The following PAPPA variants were observed in gnomAD, a reference collection of about 807,000 sequenced individuals.
The protein encoded by PAPPA is pappalysin 1, also known as pappalysin-1.
Under a neutral mutation model 164.0 loss-of-function variants are expected in PAPPA, and 60 were observed. The ratio of observed to expected loss-of-function variants is 0.37; its 90% CI spans 0.30 to 0.45. The LOEUF (loss-of-function observed/expected upper bound fraction) is 0.45. Among genes scored for constraint, PAPPA ranks in the 20% least tolerant of loss-of-function variants. The pLI is 1.00. For missense variants in PAPPA, 1,782 were observed against 2,087.3 expected (o/e 0.85, Z 2.85); for synonymous variants, 875 against 814.1 (o/e 1.07, Z -1.27).
rs141611033 is a variant in PAPPA at position 116,314,291 on chromosome 9, G to A, written c.3147+11341G>A. On this transcript the variant is annotated intron_variant, in intron 10 of 21. Transcript: ENST00000328252. ...TCACCATGTTGGCCAGGATGGTCTCGATCTCCTGATCTCGTGATCCACCTG... is the reference window on the plus strand; with the variant it reads ...TCACCATGTTGGCCAGGATGGTCTCAATCTCCTGATCTCGTGATCCACCTG... 4.2e-3 allele frequency among the ~76,000 whole-genome samples: 632 copies of A among 151,662 alleles called. 1 individual carries two copies. The highest frequency in any genetic ancestry group is 0.014 in the African/African-American group (563 of 41,360).
chr9:116,225,915 T>C (rs925892758), intron 5 of PAPPA, among the ~76,000 whole-genome samples: 2 of 152,130 alleles, frequency 1.3e-5, no homozygotes, highest in African/African-American at 4.8e-5. Flanking sequence ...AGATAAGTTG[T>C]GTGCTGTGCT....
At chr9:116,196,314 A>G (rs1185650510) in intron 2 of PAPPA, among the ~76,000 whole-genome samples, 1 of 152,150 alleles carries the variant, frequency 6.6e-6, no homozygotes, top group Non-Finnish European at 1.5e-5. Context: ...TGCCCTTTCA[A>G]GGGCCTCAGC....
Position 116,396,500 on chromosome 9 carries a change from T to C in PAPPA, c.4777-9T>C, listed in dbSNP as rs760785232. On this transcript the variant is annotated splice_polypyrimidine_tract_variant and intron_variant, in intron 21 of 21. Coordinates refer to ENST00000328252, the MANE Select transcript of PAPPA (RefSeq NM_002581.5). ...ACCAAATCACCTGATTCACTTCTTCTTTCTGCAGGTCACCCCATTCCCTAT... is the reference window on the plus strand; with the variant it reads ...ACCAAATCACCTGATTCACTTCTTCCTTCTGCAGGTCACCCCATTCCCTAT... 7 of 780,454 alleles carry C rather than the reference T, an allele frequency of 9.0e-6. No individual in the cohort carries two copies. The highest frequency in any genetic ancestry group is 1.7e-5 in the Admixed American group (1 of 58,946). 48.3% of individuals were successfully genotyped at this position (780,454 alleles called of 1,614,324 possible).
chr9:116,382,329 C>A, intron 20 of PAPPA, 66 bp from the exon 21 acceptor site: 2 of 963,314 alleles, frequency 2.1e-6, no homozygotes, highest in East Asian at 2.4e-5. Flanking sequence ...GGACTGCAGA[C>A]GTCAGCTCCC....
rs958985485 is a variant in PAPPA, at chr9:116,301,572, T to C, written c.2954-1185T>C. Reference sequence around the variant, plus strand: ...TTCTGTGTTGAAATATCAAGAAACATGCATAGGTCACACCTACTTAGAAGG... The same window carrying C: ...TTCTGTGTTGAAATATCAAGAAACACGCATAGGTCACACCTACTTAGAAGG... On this transcript the variant is annotated intron_variant, in intron 9 of 21. Coordinates refer to ENST00000328252, the MANE Select transcript of PAPPA (RefSeq NM_002581.5). Among the ~76,000 whole-genome samples, 8 of 152,244 alleles carry C rather than the reference T, an allele frequency of 5.3e-5. No individual in the cohort carries two copies. In the South Asian group the frequency reaches 1.2e-3, roughly 24 times the overall value.
In PAPPA at chr9:116,327,350, C is replaced by T. The variant is rs373279780; in HGVS notation, c.3148-3894C>T. ...CTCTGCACGGGGTATAAGAAATGTGCAGATTGGGAAGGGGGAAAAGGTTAA... is the reference window on the plus strand; with the variant it reads ...CTCTGCACGGGGTATAAGAAATGTGTAGATTGGGAAGGGGGAAAAGGTTAA... On this transcript the variant is annotated intron_variant, in intron 10 of 21. Transcript: ENST00000328252. Among the ~76,000 whole-genome samples the T allele has an allele frequency of 2.6e-4, 40 of 152,050 alleles. No homozygotes were observed. In the East Asian group the frequency reaches 6.6e-3, roughly 25 times the overall value.
chr9:116,286,018 C>T (rs1845334306), intron 9 of PAPPA: 1 of 152,016 alleles, frequency 6.6e-6, no homozygotes, highest in African/African-American at 2.4e-5. Flanking sequence ...CTGCTTGTAT[C>T]CAAATCCTAG....
Position 116,212,290 on chromosome 9 carries a change from G to C in PAPPA, c.1918+358G>C, listed in dbSNP as rs140670351. ...GAGAGTGCTTTGGACTTTGCAAAGA[G>C]AAAATTATGACATGAGATTGAGTAT... On this transcript the variant is annotated intron_variant, in intron 4 of 21. Transcript: ENST00000328252. Among the ~76,000 whole-genome samples the C allele has an allele frequency of 2.1e-4, 32 of 152,218 alleles. No homozygotes were observed. In the East Asian group the frequency reaches 6.2e-3, roughly 30 times the overall value.
intron 2 of PAPPA, 39 bp downstream of exon 2, chr9:116,188,255 T>A (rs1252906242): frequency 1.4e-6 from 2 of 1,457,588 alleles, no homozygotes; most frequent in Non-Finnish European, 1.9e-6. Flanking sequence ...AGTTGAAAGT[T>A]GAACTTGATG....
At position 116,398,399 on chromosome 9, in the gene PAPPA, G is replaced by C. The variant is rs986228641; in HGVS notation, c.*1783G>C. The stretch of plus-strand genomic sequence containing the variant: ...CCAACAGAAACAAAACCTAGCATAG[G>C]GATAGAAAATACCATGCACGTGTGC... On this transcript the variant is annotated 3_prime_UTR_variant, in exon 22 of 22. Coordinates refer to ENST00000328252, the MANE Select transcript of PAPPA (RefSeq NM_002581.5). The C allele has an allele frequency of 2.8e-6, 1 of 354,312 alleles. No individual in the cohort carries two copies. Among genetic ancestry groups the C allele is most frequent in the African/African-American group, 2.2e-5 (1 of 46,364 alleles). The allele number at this position is 354,312 out of a possible 1,614,324, so 21.9% of individuals were successfully genotyped here.
At chr9:116,159,183 T>C (rs1041272606) in intron 1 of PAPPA, among the ~76,000 whole-genome samples, 1 of 152,224 alleles carries the variant, frequency 6.6e-6, no homozygotes, top group African/African-American at 2.4e-5. Context: ...GTCAAGTCAC[T>C]TCATCCATCT....
intron 21 of PAPPA, among the ~76,000 whole-genome samples, chr9:116,393,297 T>G (rs1403136417): frequency 1.3e-5 from 2 of 152,216 alleles, no homozygotes; most frequent in Non-Finnish European, 2.9e-5. Context: ...TTAGAAGCTA[T>G]GAAAATCAAC....
At chr9:116,245,669 G>C (rs980796995) in intron 7 of PAPPA, among the ~76,000 whole-genome samples, 21 of 152,190 alleles carry the variant, frequency 1.4e-4, no homozygotes, top group Admixed American at 1.1e-3. Flanking sequence ...GTTATTTCCT[G>C]AAATAGAGGA....
chr9:116,268,845 G>T (rs1480260646), intron 8 of PAPPA, among the ~76,000 whole-genome samples: 2 of 126,686 alleles, frequency 1.6e-5, no homozygotes, highest in East Asian at 5.7e-4. Flanking sequence ...CTAAGTAGGG[G>T]TGGGGGGGTA....
intron 9 of PAPPA, among the ~76,000 whole-genome samples, chr9:116,300,636 T>G (rs1056319457): frequency 2.0e-5 from 3 of 152,210 alleles, no homozygotes; most frequent in Non-Finnish European, 4.4e-5. Context: ...ACAAGGGATT[T>G]TGCAGCTTGG....
chr9:116,312,288 C>CTTTTTTTTTTTTTTTTTTTTTTTTT (rs5900201), intron 10 of PAPPA, among the ~76,000 whole-genome samples: 55 of 129,596 alleles, frequency 4.2e-4, no homozygotes, highest in Non-Finnish European at 6.0e-4. Flanking sequence ...TTCTTTCTTT[C>CTTTTTTTTTTTTTTTTTTTTTTTTT]TTTTTTTTTT....
chr9:116,291,328 G>A (rs1845433168), intron 9 of PAPPA, among the ~76,000 whole-genome samples: 1 of 152,116 alleles, frequency 6.6e-6, no homozygotes, highest in South Asian at 2.1e-4. Flanking sequence ...GGTGAGGCAT[G>A]ATGTCTCATA....
At chr9:116,198,927 C>T (rs964664388) in intron 2 of PAPPA, among the ~76,000 whole-genome samples, 23 of 149,266 alleles carry the variant, frequency 1.5e-4, no homozygotes, top group African/African-American at 4.9e-4. Context: ...GTTTTTTTTT[C>T]CCCTTTTGAA....
At chr9:116,390,667 C>T (rs574921466) in intron 21 of PAPPA, among the ~76,000 whole-genome samples, 1 of 150,634 alleles carries the variant, frequency 6.6e-6, no homozygotes, top group Non-Finnish European at 1.5e-5. Context: ...TTACTGGCTT[C>T]TGGAATGTTA....
Sources: allele counts gnomAD v4.1 joint callset (sites outside exome capture counted in the v4.1 genomes callset), GRCh38; gene constraint gnomAD v4.1.1; transcripts MANE v1.5; gene names NCBI Gene and HGNC (gene_info 2026-07-23, HGNC 2026-07-21).